The following FER variants were observed in gnomAD, a reference collection of about 807,000 sequenced individuals.
FER encodes the protein tyrosine-protein kinase Fer.
A neutral mutation model predicts 111.0 loss-of-function variants in FER; 63 were observed. The observed-to-expected ratio is 0.57, with a 90% confidence interval of 0.46 to 0.70. The LOEUF is 0.70. Among genes scored for constraint, FER ranks in the 30% least tolerant of loss-of-function variants. FER has a pLI of 0.00. For synonymous variants in FER, 327 were observed against 313.9 expected, an observed-to-expected ratio of 1.04 and a Z score of -0.44; for missense variants, 914 against 954.0, an observed-to-expected ratio of 0.96 and a Z score of 0.55.
rs191670210 is a variant in FER at position 109,061,642 on chromosome 5, A to G, written c.1924+14444A>G. Among the ~76,000 whole-genome samples the G allele has an allele frequency of 3.3e-3, 500 of 152,290 alleles. 1 individual carries two copies. The highest frequency in any genetic ancestry group is 6.8e-3 in the Middle Eastern group (2 of 294). ...TCTGTGGATGAAAACATGAATCCCT[A>G]TTTCATAATTTCTCAACCTTGTGCA... is the stretch of plus-strand genomic sequence containing the variant. On this transcript the variant is annotated intron_variant, in intron 16 of 19. Coordinates refer to ENST00000281092, the MANE Select transcript of FER (RefSeq NM_005246.4).
chr5:109,067,669 G>A (rs1775277747), intron 16 of FER, among the ~76,000 whole-genome samples: 1 of 151,900 alleles, frequency 6.6e-6, no homozygotes, highest in Non-Finnish European at 1.5e-5. Context: ...TAGTAATACA[G>A]AGTGCTTCAG....
chr5:109,025,510 G>A (rs1768580546), intron 13 of FER, among the ~76,000 whole-genome samples: 2 of 151,964 alleles, frequency 1.3e-5, no homozygotes, highest in Admixed American at 1.3e-4. Context: ...TCAGCTTAAG[G>A]AGATTTTGGG....
intron 15 of FER, among the ~76,000 whole-genome samples, chr5:109,045,010 C>A (rs1431375406): frequency 6.6e-6 from 1 of 151,886 alleles, no homozygotes; most frequent in African/African-American, 2.4e-5. Context: ...TATTCAAGTT[C>A]TTAAAATGTT....
chr5:108,816,557 A>T (rs990313112), intron 3 of FER, among the ~76,000 whole-genome samples: 1 of 152,158 alleles, frequency 6.6e-6, no homozygotes, highest in Non-Finnish European at 1.5e-5. Context: ...TTCTGTTTTT[A>T]AAAAAATGTG....
chr5:108,847,966 C>T (rs1762180849), intron 5 of FER, among the ~76,000 whole-genome samples: 1 of 152,114 alleles, frequency 6.6e-6, no homozygotes, highest in Non-Finnish European at 1.5e-5. Context: ...TAGCTCGCTG[C>T]AGCCTCGAAC....
intron 5 of FER, among the ~76,000 whole-genome samples, chr5:108,854,101 T>A (rs953505005): frequency 2.6e-5 from 4 of 152,222 alleles, no homozygotes; most frequent in African/African-American, 7.2e-5. Context: ...TAGTGCTGAC[T>A]TGTTTCACCT....
intron 13 of FER, among the ~76,000 whole-genome samples, chr5:108,962,017 C>G (rs959087243): frequency 6.6e-6 from 1 of 152,032 alleles, no homozygotes; most frequent in African/African-American, 2.4e-5. Flanking sequence ...CTGCTCCTAC[C>G]CATAAAAATA....
intron 16 of FER, among the ~76,000 whole-genome samples, chr5:109,085,770 A>G (rs899092401): frequency 1.5e-4 from 23 of 151,744 alleles, no homozygotes; most frequent in African/African-American, 5.1e-4. Context: ...ATTAGTAGAT[A>G]CTGAATTTGT....
intron 16 of FER, among the ~76,000 whole-genome samples, chr5:109,066,057 T>C (rs1042105683): frequency 1.3e-5 from 2 of 152,222 alleles, no homozygotes; most frequent in African/African-American, 4.8e-5. Flanking sequence ...TTTAACTTTT[T>C]ATTGTAAGAG....
At chr5:109,165,009 T>C (rs1173638086) in intron 17 of FER, among the ~76,000 whole-genome samples, 1 of 152,160 alleles carries the variant, frequency 6.6e-6, no homozygotes, top group African/African-American at 2.4e-5. Context: ...AATAGATCCT[T>C]GAGTAATTCT....
intron 18 of FER, among the ~76,000 whole-genome samples, chr5:109,183,572 G>A (rs1361489297): frequency 6.6e-6 from 1 of 152,148 alleles, no homozygotes; most frequent in Non-Finnish European, 1.5e-5. Flanking sequence ...ATATATGAAA[G>A]CAGTATATAC....
intron 17 of FER, among the ~76,000 whole-genome samples, chr5:109,127,286 T>C (rs1280451879): frequency 3.9e-5 from 6 of 152,224 alleles, no homozygotes; most frequent in African/African-American, 1.2e-4. Flanking sequence ...GAACATATAG[T>C]AAAGAGTTCA....
intron 3 of FER, among the ~76,000 whole-genome samples, chr5:108,806,062 G>A (rs1177910931): frequency 6.6e-6 from 1 of 152,140 alleles, no homozygotes; most frequent in Non-Finnish European, 1.5e-5. Flanking sequence ...TGTGGGCCAA[G>A]CCCAGGGTCC....
At chr5:109,121,597 G>C (rs1028535070) in intron 17 of FER, among the ~76,000 whole-genome samples, 3 of 152,074 alleles carry the variant, frequency 2.0e-5, no homozygotes, top group African/African-American at 4.8e-5. Context: ...CAGGTTAATA[G>C]TGGCCTCATG....
At chr5:109,050,444 T>A (rs867353545) in intron 16 of FER, among the ~76,000 whole-genome samples, 1 of 152,182 alleles carries the variant, frequency 6.6e-6, no homozygotes, top group Admixed American at 6.5e-5. Context: ...CTTGTACCAA[T>A]ACATGACAAA....
chr5:109,074,913 T>C (rs934198569), intron 16 of FER, among the ~76,000 whole-genome samples: 1 of 152,256 alleles, frequency 6.6e-6, no homozygotes, highest in Non-Finnish European at 1.5e-5. Flanking sequence ...AATGATTCTT[T>C]GGAAATATAA....
chr5:108,819,937 T>C, intron 3 of FER: 3 of 985,272 alleles, frequency 3.0e-6, no homozygotes, highest in Non-Finnish European at 3.6e-6. Context: ...AAGAGAGGAC[T>C]TTGTTTTTTA....
At position 109,059,030 on chromosome 5, in the gene FER, A is replaced by T. The variant is rs1167632547; in HGVS notation, c.1924+11832A>T. Among the ~76,000 whole-genome samples the T allele has an allele frequency of 5.3e-5, 8 of 151,978 alleles. 1 individual carries two copies. In the South Asian group the frequency reaches 1.7e-3, roughly 32 times the overall value. ...GGTGGGATTACAGGCGTGAGCCACC[A>T]TGCCCGGCCAATTTTATGCTATTTT... On this transcript the variant is annotated intron_variant, in intron 16 of 19. Transcript: ENST00000281092.
At chr5:109,103,011 G>GAA (rs556930002) in intron 17 of FER, among the ~76,000 whole-genome samples, 1 of 151,124 alleles carries the variant, frequency 6.6e-6, no homozygotes, top group Non-Finnish European at 1.5e-5. Context: ...AAATATGAAA[G>GAA]AAAAAAAATA....
Sources: allele counts gnomAD v4.1 joint callset (sites outside exome capture counted in the v4.1 genomes callset), GRCh38; gene constraint gnomAD v4.1.1; transcripts MANE v1.5; gene names NCBI Gene and HGNC (gene_info 2026-07-23, HGNC 2026-07-21).